CCSER1: variants seen among roughly 807,000 people sequenced by gnomAD.
CCSER1 encodes the protein coiled-coil serine rich protein 1.
CCSER1 carries 41 observed loss-of-function variants against 82.0 expected under a neutral mutation model. The ratio of observed to expected loss-of-function variants is 0.50; its 90% confidence interval spans 0.39 to 0.65. The LOEUF (loss-of-function observed/expected upper bound fraction) is 0.65, where lower values mean the gene tolerates loss of function less well. Ranked by LOEUF, CCSER1 falls within the 30% of genes least tolerant of loss-of-function variation. The pLI is 0.00. For missense variants in CCSER1, 1,119 were observed against 1,064.2 expected (o/e 1.05, Z -0.72); for synonymous variants, 414 against 383.9 (o/e 1.08, Z -0.92).
At chr4:90,361,698 A>G (rs971699958) in intron 3 of CCSER1, among the ~76,000 whole-genome samples, 1 of 152,154 alleles carries the variant, frequency 6.6e-6, no homozygotes, top group African/African-American at 2.4e-5. Context: ...TGCAGTCTTT[A>G]TGTCCACATG....
chr4:90,402,547 G>A (rs1390966020), intron 4 of CCSER1, among the ~76,000 whole-genome samples: 1 of 152,152 alleles, frequency 6.6e-6, no homozygotes, highest in African/African-American at 2.4e-5. Context: ...CCGGGCAAGA[G>A]TTGCATGGGG....
chr4:91,093,593 C>T (rs150911631), intron 10 of CCSER1, among the ~76,000 whole-genome samples: 1,607 of 152,310 alleles, frequency 0.011, 17 homozygotes, highest in Non-Finnish European at 0.017. Flanking sequence ...GGCTCTCAGA[C>T]GTGGAGGCCA....
intron 6 of CCSER1, among the ~76,000 whole-genome samples, chr4:90,704,619 C>T (rs548143042): frequency 2.6e-5 from 4 of 152,296 alleles, no homozygotes; most frequent in African/African-American, 9.6e-5. Flanking sequence ...ACCAATCAGA[C>T]CTAGATTTGG....
chr4:91,303,834 AAACT>A (rs1359072233), intron 10 of CCSER1, among the ~76,000 whole-genome samples: 3 of 152,044 alleles, frequency 2.0e-5, no homozygotes, highest in South Asian at 2.1e-4. Context: ...AACAAAACTA[AAACT>A]AACTACCCAG....
At chr4:91,270,688 G>T (rs1017336982) in intron 10 of CCSER1, among the ~76,000 whole-genome samples, 2 of 152,184 alleles carry the variant, frequency 1.3e-5, no homozygotes, top group African/African-American at 2.4e-5. Flanking sequence ...GAGGCCAAAA[G>T]AATTCAGTTC....
chr4:91,258,032 G>A (rs1226641870), intron 10 of CCSER1, among the ~76,000 whole-genome samples: 3 of 152,030 alleles, frequency 2.0e-5, no homozygotes, highest in South Asian at 2.1e-4. Context: ...AGAAATAGAT[G>A]AAATTTTCAG....
intron 5 of CCSER1, among the ~76,000 whole-genome samples, chr4:90,563,658 A>G (rs974306716): frequency 3.0e-4 from 45 of 152,140 alleles, no homozygotes; most frequent in African/African-American, 1.1e-3. Context: ...TTGTGTATAT[A>G]TATTACATTT....
At chr4:90,933,689 G>C (rs1730563508) in intron 9 of CCSER1, among the ~76,000 whole-genome samples, 1 of 149,724 alleles carries the variant, frequency 6.7e-6, no homozygotes, top group South Asian at 2.1e-4. Context: ...ACTTTTGGAA[G>C]TTTTTTTTTT....
At chr4:91,256,753 C>A (rs78757634) in intron 10 of CCSER1, among the ~76,000 whole-genome samples, 2,797 of 152,222 alleles carry the variant, frequency 0.018, 90 homozygotes, top group African/African-American at 0.061. Context: ...ATTGGCATAG[C>A]AAGCATGTTA....
intron 3 of CCSER1, among the ~76,000 whole-genome samples, chr4:90,353,700 A>T (rs1176102971): frequency 1.3e-5 from 2 of 152,188 alleles, no homozygotes; most frequent in African/African-American, 4.8e-5. Flanking sequence ...GAACAATAGG[A>T]GTCTTTCTGA....
intron 5 of CCSER1, among the ~76,000 whole-genome samples, chr4:90,598,813 C>T (rs1247109084): frequency 1.3e-5 from 2 of 151,996 alleles, no homozygotes; most frequent in Non-Finnish European, 2.9e-5. Flanking sequence ...ACAGGGTAGA[C>T]ATTAGAATGG....
At chr4:90,525,039 T>A (rs1475486104) in intron 5 of CCSER1, among the ~76,000 whole-genome samples, 1 of 152,118 alleles carries the variant, frequency 6.6e-6, no homozygotes, top group Non-Finnish European at 1.5e-5. Flanking sequence ...GCTAGGAAGT[T>A]TATATTAAAA....
At chr4:90,154,113 A>G (rs1727507505) in intron 1 of CCSER1, among the ~76,000 whole-genome samples, 2 of 152,162 alleles carry the variant, frequency 1.3e-5, no homozygotes, top group Admixed American at 6.5e-5. Flanking sequence ...CAGTTTTCCT[A>G]GCACCATTTA....
intron 5 of CCSER1, among the ~76,000 whole-genome samples, chr4:90,550,684 AAAAG>A (rs1352789536): frequency 1.3e-5 from 2 of 152,190 alleles, no homozygotes; most frequent in Non-Finnish European, 1.5e-5. Flanking sequence ...TCATAATTGA[AAAAG>A]AAGGAAGAGG....
At chr4:90,793,491 A>G (rs1755557210) in intron 7 of CCSER1, among the ~76,000 whole-genome samples, 1 of 152,172 alleles carries the variant, frequency 6.6e-6, no homozygotes, top group Non-Finnish European at 1.5e-5. Context: ...TGTTACTGCA[A>G]AGGACGTAAT....
At chr4:90,640,729 T>C (rs1269954497) in intron 6 of CCSER1, among the ~76,000 whole-genome samples, 4 of 152,150 alleles carry the variant, frequency 2.6e-5, no homozygotes, top group African/African-American at 9.7e-5. Context: ...GACGTGATAG[T>C]TTAATAAGGG....
intron 1 of CCSER1, among the ~76,000 whole-genome samples, chr4:90,143,964 A>G (rs1182837108): frequency 1.3e-5 from 2 of 152,180 alleles, no homozygotes; most frequent in African/African-American, 4.8e-5. Context: ...TGTTGGGATT[A>G]CAGGCATGAG....
chr4:90,761,099 A>T (rs1750345066), intron 7 of CCSER1, among the ~76,000 whole-genome samples: 1 of 152,168 alleles, frequency 6.6e-6, no homozygotes, highest in Admixed American at 6.6e-5. Flanking sequence ...AAAATGCCAC[A>T]TATAAATCCC....
intron 10 of CCSER1, among the ~76,000 whole-genome samples, chr4:91,302,210 A>G (rs980324113): frequency 1.1e-4 from 17 of 151,988 alleles, no homozygotes; most frequent in African/African-American, 4.1e-4. Flanking sequence ...GGTGGTCAAA[A>G]TAAAATCCTC....
Sources: allele counts gnomAD v4.1 joint callset (sites outside exome capture counted in the v4.1 genomes callset), GRCh38; gene constraint gnomAD v4.1.1; transcripts MANE v1.5; gene names NCBI Gene and HGNC (gene_info 2026-07-23, HGNC 2026-07-21).